Variants in POLR2D observed in about 807,000 individuals in gnomAD.
POLR2D encodes the protein RNA polymerase II subunit D.
Under a neutral mutation model 17.6 loss-of-function variants are expected in POLR2D, and 10 were observed. The ratio of observed to expected loss-of-function variants is 0.57; its 90% CI spans 0.35 to 0.96. The LOEUF (loss-of-function observed/expected upper bound fraction) is 0.96. Among genes scored for constraint, POLR2D ranks in the 40% least tolerant of loss-of-function variants. POLR2D has a pLI of 0.02. For synonymous variants in POLR2D, 52 were observed against 60.2 expected, an observed-to-expected ratio of 0.86 and a Z score of 0.63; for missense variants, 126 against 176.4, an observed-to-expected ratio of 0.71 and a Z score of 1.62.
At chr2:127,856,796 G>A (rs1361276240) in intron 1 of POLR2D, 2 of 152,030 alleles carry the variant, frequency 1.3e-5, no homozygotes, top group Non-Finnish European at 2.9e-5. Context: ...AGCACTCTGG[G>A]AGGCCGAGCT....
chr2:127,850,354 C>CG (rs1216363015), intron 3 of POLR2D, among the ~76,000 whole-genome samples: 1 of 146,402 alleles, frequency 6.8e-6, no homozygotes, highest in Non-Finnish European at 1.5e-5. Context: ...GCAGGAGAAT[C>CG]GCTTGAACCC....
rs1690115432 is a variant in POLR2D at position 127,844,262 on chromosome 2, C to G, written c.*3845G>C. ...TACCAGCACCTGGATCTTGCATTTG[C>G]CAGCCTCCAAAACTGTGAGAAATAA... On this transcript the variant is annotated 3_prime_UTR_variant, in exon 4 of 4. Transcript: ENST00000272645. 1 of 152,176 alleles carries G rather than the reference C, an allele frequency of 6.6e-6. No individual in the cohort carries two copies. The highest frequency in any genetic ancestry group is 2.1e-4 in the South Asian group (1 of 4,822). 9.4% of individuals were successfully genotyped at this position (152,176 alleles called of 1,614,324 possible).
At position 127,846,294 on chromosome 2, in the gene POLR2D, T is replaced by C. The variant is rs1376042495; in HGVS notation, c.*1813A>G. On this transcript the variant is annotated 3_prime_UTR_variant, in exon 4 of 4. Coordinates refer to ENST00000272645, the MANE Select transcript of POLR2D (RefSeq NM_004805.4). ...AAATAAGAATTTTTTATTCTTGCCTTATTTCGTAGCAAACATAAAACCATC... is the reference window on the plus strand; with the variant it reads ...AAATAAGAATTTTTTATTCTTGCCTCATTTCGTAGCAAACATAAAACCATC... 3 of 152,118 alleles carry C rather than the reference T, an allele frequency of 2.0e-5. No individual in the cohort carries two copies. Among genetic ancestry groups the C allele is most frequent in the Admixed American group, 1.3e-4 (2 of 15,254 alleles). 9.4% of individuals were successfully genotyped at this position (152,118 alleles called of 1,614,324 possible). A position where few individuals can be genotyped will look rare whatever the true frequency, so the allele number is the denominator to read the frequency against.
intron 1 of POLR2D, among the ~76,000 whole-genome samples, chr2:127,855,469 G>C (rs1690312668): frequency 6.6e-6 from 1 of 151,424 alleles, no homozygotes; most frequent in Non-Finnish European, 1.5e-5. Context: ...AAATGGAAAG[G>C]AATGGAACTT....
chr2:127,857,934 G>A (rs1016416721), intron 1 of POLR2D, 94 bp downstream of exon 1: 1 of 1,487,604 alleles, frequency 6.7e-7, no homozygotes, highest in South Asian at 1.3e-5. Context: ...CCAAGCCGCC[G>A]CTGAGGCAGG....
In POLR2D at chr2:127,846,504, A is replaced by G. The variant is rs958676246; in HGVS notation, c.*1603T>C. On this transcript the variant is annotated 3_prime_UTR_variant, in exon 4 of 4. Transcript: ENST00000272645. ...CCCCAGACTGAGATCAAGTGACTTC[A>G]CTGCAGTGGCTCAAGAGTGGATGAC... The G allele has an allele frequency of 1.3e-5, 2 of 152,192 alleles. No individual in the cohort carries two copies. Among genetic ancestry groups the G allele is most frequent in the African/African-American group, 2.4e-5 (1 of 41,448 alleles). The allele number at this position is 152,192 out of a possible 1,614,324, so 9.4% of individuals were successfully genotyped here.
intron 1 of POLR2D, 58 bp downstream of exon 1, chr2:127,857,970 C>T (rs1398687722): frequency 1.9e-6 from 3 of 1,557,070 alleles, no homozygotes; most frequent in African/African-American, 1.4e-5. Flanking sequence ...CGCATAACGC[C>T]AGGCCTGCGG....
At chr2:127,854,110 T>G (rs1439070149) in intron 1 of POLR2D, among the ~76,000 whole-genome samples, 2 of 152,222 alleles carry the variant, frequency 1.3e-5, no homozygotes, top group South Asian at 4.1e-4. Flanking sequence ...AAATATAATG[T>G]ACCCCAAAAT....
rs1558980593 is a variant in POLR2D at position 127,847,806 on chromosome 2, CA to C, written c.*300del. 1.4e-4 allele frequency: 51 copies of C among 360,810 alleles called. No homozygotes were observed. Among genetic ancestry groups the C allele is most frequent in the East Asian group, 1.9e-4 (3 of 15,406 alleles). The allele number at this position is 360,810 out of a possible 1,614,324, so 22.4% of individuals were successfully genotyped here. ...TTAAGAAAAAAGATGATGTGGAGGC[CA>C]AAAACCAGGAATGAGGTAGTCAACA... On this transcript the variant is annotated 3_prime_UTR_variant, in exon 4 of 4. Coordinates refer to ENST00000272645, the MANE Select transcript of POLR2D (RefSeq NM_004805.4).
chr2:127,855,687 T>C (rs941338344), intron 1 of POLR2D, among the ~76,000 whole-genome samples: 6 of 152,294 alleles, frequency 3.9e-5, no homozygotes, highest in East Asian at 1.9e-4. Flanking sequence ...AAAATGGGGA[T>C]GGGGGAGGCA....
At position 127,846,093 on chromosome 2, in the gene POLR2D, AAC is replaced by A. The variant is rs954874027; in HGVS notation, c.*2012_*2013del. Reference sequence around the variant, plus strand: ...GTGGTGAAACCCTGTCTCTACTAAAAACACAAAAAATTAGCCAGGCGTGGTGG... The same window carrying A: ...GTGGTGAAACCCTGTCTCTACTAAAAACAAAAAATTAGCCAGGCGTGGTGG... On this transcript the variant is annotated 3_prime_UTR_variant, in exon 4 of 4. Coordinates refer to ENST00000272645, the MANE Select transcript of POLR2D (RefSeq NM_004805.4). The A allele has an allele frequency of 4.5e-4, 68 of 152,184 alleles. No homozygotes were observed. Among genetic ancestry groups the A allele is most frequent in the African/African-American group, 1.6e-3 (65 of 41,522 alleles). The allele number at this position is 152,184 out of a possible 1,614,324, so 9.4% of individuals were successfully genotyped here. A position where few individuals can be genotyped will look rare whatever the true frequency, so the allele number is the denominator to read the frequency against.
intron 3 of POLR2D, among the ~76,000 whole-genome samples, chr2:127,849,504 C>T (rs17340489): frequency 0.24 from 36,308 of 152,130 alleles, 5,623 homozygotes; most frequent in South Asian, 0.5. Flanking sequence ...ATACTCACTA[C>T]ACATTTATGG....
chr2:127,851,871 A>G (rs1202584123), intron 2 of POLR2D, among the ~76,000 whole-genome samples: 3 of 151,542 alleles, frequency 2.0e-5, no homozygotes, highest in Non-Finnish European at 4.4e-5. Flanking sequence ...GCTGACTGCT[A>G]CCTCCCTCTC....
chr2:127,854,923 G>A (rs1466762559), intron 1 of POLR2D, among the ~76,000 whole-genome samples: 1 of 145,750 alleles, frequency 6.9e-6, no homozygotes, highest in East Asian at 2.1e-4. Flanking sequence ...TCACAGCAAT[G>A]AGTAGAGGAA....
chr2:127,856,069 G>GC (rs1453890486), intron 1 of POLR2D, among the ~76,000 whole-genome samples: 1 of 151,778 alleles, frequency 6.6e-6, no homozygotes, highest in African/African-American at 2.4e-5. Context: ...GATTACCTGA[G>GC]CCCAGGAGTT....
chr2:127,854,563 A>G (rs1322041642), intron 1 of POLR2D, among the ~76,000 whole-genome samples: 2 of 152,232 alleles, frequency 1.3e-5, no homozygotes, highest in African/African-American at 4.8e-5. Context: ...CAGGTAACTG[A>G]CAAGAGCTTC....
chr2:127,856,308 A>AAAAAAAAAAAAAAAAAAAAAAAAC (rs1368420435), intron 1 of POLR2D, among the ~76,000 whole-genome samples: 2 of 146,668 alleles, frequency 1.4e-5, no homozygotes, highest in Non-Finnish European at 3.0e-5. Context: ...AAAAAAAAAA[A>AAAAAAAAAAAAAAAAAAAAAAAAC]AGGCAGGGTG....
chr2:127,846,628 G>C lies in POLR2D; in HGVS notation c.*1479C>G, dbSNP rs977661995. On this transcript the variant is annotated 3_prime_UTR_variant, in exon 4 of 4. Coordinates refer to ENST00000272645, the MANE Select transcript of POLR2D (RefSeq NM_004805.4). ...GACTTCAAAGTGTTCAGAACTTCAAGCCTGGCCTATGAAGTAAAAAAAAAA... is the reference window on the plus strand; with the variant it reads ...GACTTCAAAGTGTTCAGAACTTCAACCCTGGCCTATGAAGTAAAAAAAAAA... 2.0e-5 allele frequency: 3 copies of C among 151,690 alleles called. No individual in the cohort carries two copies. Among genetic ancestry groups the C allele is most frequent in the African/African-American group, 7.3e-5 (3 of 41,222 alleles). The allele number at this position is 151,690 out of a possible 1,614,324, so 9.4% of individuals were successfully genotyped here.
chr2:127,845,764 A>C lies in POLR2D; in HGVS notation c.*2343T>G, dbSNP rs1690143778. On this transcript the variant is annotated 3_prime_UTR_variant, in exon 4 of 4. Coordinates refer to ENST00000272645, the MANE Select transcript of POLR2D (RefSeq NM_004805.4). ...TTCTATGAAGCAAGCTGACTTAATC[A>C]TCTATCTATACTAGCTCATCTGCCT... 1.3e-5 allele frequency: 2 copies of C among 152,212 alleles called. 1 individual carries two copies. The highest frequency in any genetic ancestry group is 4.1e-4 in the South Asian group (2 of 4,838). The allele number at this position is 152,212 out of a possible 1,614,324, so 9.4% of individuals were successfully genotyped here.
Sources: allele counts gnomAD v4.1 joint callset (sites outside exome capture counted in the v4.1 genomes callset), GRCh38; gene constraint gnomAD v4.1.1; transcripts MANE v1.5; gene names NCBI Gene and HGNC (gene_info 2026-07-23, HGNC 2026-07-21).